Variants in LRP1B observed in about 807,000 individuals in gnomAD.
The protein encoded by LRP1B is low-density lipoprotein receptor-related protein 1B.
LRP1B carries 217 observed loss-of-function variants against 556.6 expected under a neutral mutation model. The ratio of observed to expected loss-of-function variants is 0.39; its 90% CI spans 0.35 to 0.44. LRP1B has a LOEUF of 0.44. Among genes scored for constraint, LRP1B ranks in the 20% least tolerant of loss-of-function variants. The pLI is 1.00. For missense variants in LRP1B, 5,053 were observed against 5,620.8 expected (o/e 0.90, Z 3.23); for synonymous variants, 2,047 against 1,865.8 (o/e 1.10, Z -2.50).
intron 1 of LRP1B, among the ~76,000 whole-genome samples, chr2:142,113,374 A>G (rs190802316): frequency 1.4e-3 from 215 of 152,262 alleles, no homozygotes; most frequent in African/African-American, 4.9e-3. Context: ...CAGATTAGTA[A>G]TTCCATATCT....
chr2:140,528,066 A>C (rs62173048), intron 47 of LRP1B, among the ~76,000 whole-genome samples: 2,566 of 151,944 alleles, frequency 0.017, 37 homozygotes, highest in East Asian at 0.058. Flanking sequence ...TCACCATCAC[A>C]ATCTGCCTCC....
intron 1 of LRP1B, among the ~76,000 whole-genome samples, chr2:141,974,780 C>G (rs193105793): frequency 3.6e-4 from 55 of 152,076 alleles, no homozygotes; most frequent in Non-Finnish European, 7.4e-4. Flanking sequence ...ATTTTCCAAC[C>G]AAAGCAATTT....
intron 1 of LRP1B, among the ~76,000 whole-genome samples, chr2:141,977,876 C>T (rs992882809): frequency 2.6e-5 from 4 of 151,916 alleles, no homozygotes; most frequent in Non-Finnish European, 4.4e-5. Context: ...TCATACAAGC[C>T]TAACTTAAAA....
At chr2:140,547,861 T>A (rs1188060631) in intron 43 of LRP1B, among the ~76,000 whole-genome samples, 2 of 151,822 alleles carry the variant, frequency 1.3e-5, no homozygotes, top group East Asian at 3.9e-4. Context: ...TTAAATAGCC[T>A]AAATATAATT....
intron 41 of LRP1B, among the ~76,000 whole-genome samples, chr2:140,621,536 G>C (rs1180873796): frequency 6.6e-6 from 1 of 152,008 alleles, no homozygotes; most frequent in African/African-American, 2.4e-5. Flanking sequence ...CTACCATCTT[G>C]ATTAAATTTA....
At chr2:140,277,877 A>G (rs552282081) in intron 84 of LRP1B, among the ~76,000 whole-genome samples, 3 of 152,104 alleles carry the variant, frequency 2.0e-5, no homozygotes, top group Admixed American at 2.0e-4. Context: ...TTCCACTATT[A>G]ACATATACCC....
chr2:140,843,031 C>G (rs1692156567), intron 29 of LRP1B, among the ~76,000 whole-genome samples: 1 of 133,214 alleles, frequency 7.5e-6, no homozygotes, highest in African/African-American at 2.8e-5. Flanking sequence ...TTCTATTTAC[C>G]CTAAAATACA....
chr2:140,269,196 A>T (rs1431224446), intron 86 of LRP1B: 1 of 456,122 alleles, frequency 2.2e-6, no homozygotes. Flanking sequence ...GATGTTCATG[A>T]TTTAAACCAA....
At chr2:141,117,941 A>G (rs13414371) in intron 7 of LRP1B, among the ~76,000 whole-genome samples, 8,665 of 151,874 alleles carry the variant, frequency 0.057, 587 homozygotes, top group African/African-American at 0.16. Context: ...CTTTCATATA[A>G]CTCATCATCA....
intron 41 of LRP1B, among the ~76,000 whole-genome samples, chr2:140,629,573 T>C (rs1183892089): frequency 1.3e-5 from 2 of 152,226 alleles, no homozygotes; most frequent in Non-Finnish European, 2.9e-5. Flanking sequence ...GATAACTAAA[T>C]TATGGCAAAT....
At chr2:140,884,048 G>A (rs779208355) in intron 24 of LRP1B, 27 bp from the exon 25 acceptor site, 1 of 1,599,080 alleles carries the variant, frequency 6.3e-7, no homozygotes, top group Admixed American at 1.7e-5. Context: ...ACCAACATGT[G>A]CACCCATTCA....
At chr2:140,868,458 A>C (rs758456725) in intron 25 of LRP1B, among the ~76,000 whole-genome samples, 195 bp from the exon 26 acceptor site, 7 of 152,082 alleles carry the variant, frequency 4.6e-5, no homozygotes, top group Non-Finnish European at 7.4e-5. Context: ...ATATATAATT[A>C]TGACTCATAA....
chr2:141,621,414 A>G (rs1483014479), intron 2 of LRP1B, among the ~76,000 whole-genome samples: 1 of 152,216 alleles, frequency 6.6e-6, no homozygotes, highest in Non-Finnish European at 1.5e-5. Flanking sequence ...AAGTAAAGTT[A>G]GAATTAAATA....
chr2:140,908,603 C>A (rs1694329542), intron 21 of LRP1B, among the ~76,000 whole-genome samples: 1 of 151,832 alleles, frequency 6.6e-6, no homozygotes, highest in African/African-American at 2.4e-5. Context: ...CACCCCAACT[C>A]CCCACTCCAG....
chr2:140,269,325 T>A (rs900841798), intron 86 of LRP1B: 4 of 470,964 alleles, frequency 8.5e-6, no homozygotes, highest in Admixed American at 7.1e-5. Flanking sequence ...CTGACAGTAG[T>A]GATCACAAGG....
At chr2:141,767,808 C>T (rs1441494036) in intron 2 of LRP1B, among the ~76,000 whole-genome samples, 1 of 152,106 alleles carries the variant, frequency 6.6e-6, no homozygotes, top group East Asian at 1.9e-4. Flanking sequence ...AAATTTCACT[C>T]TCTGGGTGCA....
intron 21 of LRP1B, among the ~76,000 whole-genome samples, chr2:140,914,632 GA>G (rs1317493201): frequency 6.6e-6 from 1 of 151,918 alleles, no homozygotes; most frequent in Non-Finnish European, 1.5e-5. Flanking sequence ...ATTAAGAGAA[GA>G]ATATCTACAA....
chr2:141,258,379 G>A (rs559445198), intron 3 of LRP1B, among the ~76,000 whole-genome samples: 13 of 152,074 alleles, frequency 8.5e-5, no homozygotes, highest in East Asian at 1.9e-4. Flanking sequence ...CCAGCTACTC[G>A]GGAGGTTGAG....
intron 2 of LRP1B, among the ~76,000 whole-genome samples, chr2:141,490,200 T>C (rs1005849117): frequency 6.6e-6 from 1 of 152,154 alleles, no homozygotes; most frequent in African/African-American, 2.4e-5. Context: ...TTTATTTATG[T>C]ATTTAATATG....
Sources: gnomAD v4.1 joint callset for allele counts (sites outside exome capture counted in the v4.1 genomes callset) on GRCh38, gnomAD v4.1.1 for gene constraint, MANE v1.5 for transcripts, NCBI Gene and HGNC (gene_info 2026-07-23, HGNC 2026-07-21) for gene names.